Variants in EYA1 observed in about 807,000 individuals in gnomAD.
EYA1 encodes EYA transcriptional coactivator and phosphatase 1.
In EYA1, 16 loss-of-function variants were observed where a neutral mutation model predicts 82.0. The observed-to-expected ratio is 0.20, with a 90% CI of 0.13 to 0.30. The LOEUF (loss-of-function observed/expected upper bound fraction) is 0.30, where lower values mean the gene tolerates loss of function less well. EYA1 is among the 10% of genes least tolerant of loss of function. EYA1 has a pLI of 1.00. For synonymous variants in EYA1, 261 were observed against 264.4 expected (o/e 0.99, Z 0.12); for missense variants, 633 against 730.7 (o/e 0.87, Z 1.54).
At chr8:71,226,363 AAATAT>A (rs1810554644) in intron 12 of EYA1, among the ~76,000 whole-genome samples, 2 of 151,982 alleles carry the variant, frequency 1.3e-5, no homozygotes. Context: ...CAATGTTAAT[AAATAT>A]GATATGTCAG....
At chr8:71,540,476 G>A (rs1815056370) in intron 1 of EYA1, among the ~76,000 whole-genome samples, 1 of 152,216 alleles carries the variant, frequency 6.6e-6, no homozygotes, top group African/African-American at 2.4e-5. Context: ...TGGAAAAAGT[G>A]TAGATTATGG....
At position 71,269,725 on chromosome 8, in the gene EYA1, C is replaced by T; in HGVS notation, c.1050+15G>A. On this transcript the variant is annotated intron_variant, in intron 11 of 17. Coordinates refer to ENST00000340726, the MANE Select transcript of EYA1 (RefSeq NM_000503.6). ...ACTCCAAAGAAATTAAAAACTGATGCCTCTTGGTACTCACCCTCCCATATC... is the reference window on the plus strand; with the variant it reads ...ACTCCAAAGAAATTAAAAACTGATGTCTCTTGGTACTCACCCTCCCATATC... The T allele has an allele frequency of 1.9e-6, 3 of 1,596,602 alleles. No homozygotes were observed. The highest frequency in any genetic ancestry group is 2.6e-6 in the Non-Finnish European group (3 of 1,165,558).
intron 2 of EYA1, among the ~76,000 whole-genome samples, chr8:71,389,306 A>G (rs1204965018): frequency 6.6e-6 from 1 of 151,972 alleles, no homozygotes; most frequent in African/African-American, 2.4e-5. Flanking sequence ...TTGTTAAATG[A>G]TATTTATTTA....
intron 2 of EYA1, among the ~76,000 whole-genome samples, chr8:71,482,981 C>G (rs145014416): frequency 6.6e-6 from 1 of 152,110 alleles, no homozygotes; most frequent in African/African-American, 2.4e-5. Flanking sequence ...AATGTATGCT[C>G]CTACCATGAC....
intron 2 of EYA1, among the ~76,000 whole-genome samples, chr8:71,517,601 T>C (rs1813061589): frequency 6.6e-6 from 1 of 151,522 alleles, no homozygotes; most frequent in Non-Finnish European, 1.5e-5. Flanking sequence ...ATAAAGTGAA[T>C]ACATTTGCTT....
At chr8:71,524,594 T>C (rs1446110695) in intron 2 of EYA1, among the ~76,000 whole-genome samples, 2 of 152,212 alleles carry the variant, frequency 1.3e-5, no homozygotes, top group African/African-American at 2.4e-5. Flanking sequence ...ACATACTATA[T>C]ACTTTGCCAA....
intron 2 of EYA1, among the ~76,000 whole-genome samples, chr8:71,409,710 G>T (rs1218354674): frequency 3.0e-4 from 27 of 90,204 alleles, no homozygotes; most frequent in African/African-American, 1.1e-3. Context: ...AATAACAGGA[G>T]CTGAAATTGT....
chr8:71,318,555 C>T (rs929726974), intron 6 of EYA1, among the ~76,000 whole-genome samples: 9 of 152,174 alleles, frequency 5.9e-5, no homozygotes, highest in African/African-American at 1.4e-4. Flanking sequence ...GTATGGGGCT[C>T]AGCTCTGTCT....
rs1307747817 is a variant in EYA1 at position 71,359,327 on chromosome 8, C to T, written c.-55+2320G>A. Among the ~76,000 whole-genome samples, 6 of 152,222 alleles carry T rather than the reference C, an allele frequency of 3.9e-5. No homozygotes were observed. In the East Asian group the frequency reaches 1.2e-3, roughly 29 times the overall value. On this transcript the variant is annotated intron_variant, in intron 1 of 17. Transcript: ENST00000340726. ...TTTTGTTAAACCTCACATAGTACTT[C>T]GCCAATCCATTGAATAGCCACATTA...
At chr8:71,427,865 A>T (rs1420942818) in intron 2 of EYA1, among the ~76,000 whole-genome samples, 1 of 151,970 alleles carries the variant, frequency 6.6e-6, no homozygotes, top group African/African-American at 2.4e-5. Context: ...TACAAAAAAT[A>T]AAAAATTAGC....
intron 2 of EYA1, among the ~76,000 whole-genome samples, chr8:71,456,081 G>A (rs923368788): frequency 2.3e-4 from 35 of 151,834 alleles, no homozygotes; most frequent in African/African-American, 8.0e-4. Flanking sequence ...AAATCAATGT[G>A]CAAAAATCAC....
intron 3 of EYA1, among the ~76,000 whole-genome samples, chr8:71,340,733 G>T (rs1043288627): frequency 6.6e-6 from 1 of 151,762 alleles, no homozygotes; most frequent in African/African-American, 2.4e-5. Context: ...ATAATAAACT[G>T]CTTCATGACC....
At chr8:71,371,557 T>G (rs1828081570) in intron 2 of EYA1, among the ~76,000 whole-genome samples, 2 of 152,186 alleles carry the variant, frequency 1.3e-5, no homozygotes, top group African/African-American at 4.8e-5. Context: ...CAACAAGTCA[T>G]TAACAAAGTT....
chr8:71,300,461 A>T (rs1014938044), intron 7 of EYA1, among the ~76,000 whole-genome samples: 4 of 152,098 alleles, frequency 2.6e-5, no homozygotes, highest in Non-Finnish European at 1.5e-5. Flanking sequence ...ATTGGCGAAA[A>T]TTTTTTTAAG....
chr8:71,459,647 CCT>C (rs1808220690), intron 2 of EYA1, among the ~76,000 whole-genome samples: 1 of 149,910 alleles, frequency 6.7e-6, no homozygotes, highest in African/African-American at 2.5e-5. Context: ...GCTTTTTTCT[CCT>C]TTTTTATTGT....
At chr8:71,242,242 A>T (rs1812559038) in intron 12 of EYA1, among the ~76,000 whole-genome samples, 1 of 152,176 alleles carries the variant, frequency 6.6e-6, no homozygotes, top group Non-Finnish European at 1.5e-5. Flanking sequence ...GAAATAAGTA[A>T]AAAACCAATT....
At chr8:71,421,339 T>G (rs1263575014) in intron 2 of EYA1, among the ~76,000 whole-genome samples, 1 of 152,168 alleles carries the variant, frequency 6.6e-6, no homozygotes, top group Admixed American at 6.5e-5. Context: ...CACTGGACAC[T>G]TCCTAGTCCC....
At chr8:71,400,184 A>G (rs2629617) in intron 2 of EYA1, among the ~76,000 whole-genome samples, 1 of 152,252 alleles carries the variant, frequency 6.6e-6, no homozygotes, top group Non-Finnish European at 1.5e-5. Flanking sequence ...ACCCAAAACT[A>G]TAAAAACCCT....
intron 2 of EYA1, among the ~76,000 whole-genome samples, chr8:71,376,714 A>G (rs1223216871): frequency 1.3e-5 from 2 of 152,178 alleles, no homozygotes; most frequent in African/African-American, 4.8e-5. Flanking sequence ...CCGCGTAAAC[A>G]AGAAACACCA....
Sources: allele counts gnomAD v4.1 joint callset (sites outside exome capture counted in the v4.1 genomes callset), GRCh38; gene constraint gnomAD v4.1.1; transcripts MANE v1.5; gene names NCBI Gene and HGNC (gene_info 2026-07-23, HGNC 2026-07-21).